Variants in GSPT1 observed in about 807,000 individuals in gnomAD.
The protein encoded by GSPT1 is eukaryotic peptide chain release factor GTP-binding subunit ERF3A.
In GSPT1, 20 loss-of-function variants were observed where a neutral mutation model predicts 72.5. The observed-to-expected ratio is 0.28, with a 90% confidence interval of 0.19 to 0.40. GSPT1 has a LOEUF of 0.40. Ranked by LOEUF, GSPT1 falls within the 10% of genes least tolerant of loss-of-function variation. The pLI, the probability that GSPT1 is intolerant of heterozygous loss-of-function variation, is 1.00. For synonymous variants in GSPT1, 334 were observed against 293.5 expected (o/e 1.14, Z -1.41); for missense variants, 580 against 811.9 (o/e 0.71, Z 3.47).
rs1234456065 is a variant in GSPT1, at chr16:11,910,276, C to T, written c.352+5093G>A. Among the ~76,000 whole-genome samples the T allele has an allele frequency of 1.2e-4, 18 of 152,216 alleles. No individual in the cohort carries two copies. The East Asian group carries it at 2.9e-3, about 24-fold the overall frequency. On this transcript the variant is annotated intron_variant, in intron 1 of 14. Transcript: ENST00000434724. ...AGAGTGACAAGACTGAGAGGTTTTA[C>T]GTAAGGGATTGCTGTTCTCGGCTTT... is the stretch of plus-strand genomic sequence containing the variant.
At chr16:11,892,740 A>T (rs1424923754) in intron 5 of GSPT1, among the ~76,000 whole-genome samples, 1 of 135,182 alleles carries the variant, frequency 7.4e-6, no homozygotes, top group Non-Finnish European at 1.6e-5. Flanking sequence ...GAGGCAGGAG[A>T]ATCATTTGAA....
rs1284799488 is a variant in GSPT1 at position 11,870,418 on chromosome 16, G to A, written c.*2701C>T. The A allele has an allele frequency of 6.6e-6, 1 of 152,136 alleles. No homozygotes were observed. Among genetic ancestry groups the A allele is most frequent in the Non-Finnish European group, 1.5e-5 (1 of 68,026 alleles). The allele number at this position is 152,136 out of a possible 1,614,324, so 9.4% of individuals were successfully genotyped here. ...ATAAAGAACATCATTAATGTGAAAA[G>A]ATGCAAGAAAAAAATCATTCTAGTA... On this transcript the variant is annotated 3_prime_UTR_variant, in exon 15 of 15. Transcript: ENST00000434724.
chr16:11,890,844 G>C (rs114705866), intron 6 of GSPT1: 22 of 351,380 alleles, frequency 6.3e-5, no homozygotes, highest in African/African-American at 4.7e-4. Context: ...TTTTCAACAA[G>C]TCTATCACCA....
chr16:11,892,920 T>G (rs968785847), intron 5 of GSPT1, among the ~76,000 whole-genome samples: 2 of 147,938 alleles, frequency 1.4e-5, no homozygotes, highest in Non-Finnish European at 3.0e-5. Flanking sequence ...CTTAACCAAG[T>G]AATCATGACT....
chr16:11,876,026 T>G (rs934134787), intron 13 of GSPT1, 60 bp downstream of exon 13: 1 of 1,458,342 alleles, frequency 6.9e-7, no homozygotes, highest in South Asian at 1.2e-5. Context: ...TGTTGCTGAT[T>G]AGAAATTATG....
At chr16:11,896,833 T>C (rs1484001191) in intron 3 of GSPT1, 48 bp from the exon 4 acceptor site, 1 of 1,222,134 alleles carries the variant, frequency 8.2e-7, no homozygotes, top group South Asian at 1.3e-5. Context: ...ACTTACAATC[T>C]ATACTTTAAA....
intron 10 of GSPT1, among the ~76,000 whole-genome samples, chr16:11,883,583 C>T (rs548858853): frequency 3.4e-5 from 5 of 147,608 alleles, no homozygotes; most frequent in African/African-American, 7.5e-5. Context: ...CTGAACCACT[C>T]GACTCCAGCT....
At chr16:11,873,299 G>A in intron 14 of GSPT1, 128 bp from the exon 15 acceptor site, 1 of 555,118 alleles carries the variant, frequency 1.8e-6, no homozygotes, top group Non-Finnish European at 3.2e-6. Context: ...TAGCTTTACT[G>A]CCAAACCCAT....
chr16:11,891,143 A>C lies in GSPT1; in HGVS notation c.699-4T>G. On this transcript the variant is annotated splice_polypyrimidine_tract_variant and splice_region_variant and intron_variant, in intron 5 of 14. Coordinates refer to ENST00000434724, the MANE Select transcript of GSPT1 (RefSeq NM_002094.4). ...GTCAACCATTCCAGTCAAATACCTG[A>C]AAACATTTAAAGAAAAAAAAAAGTA... 1.4e-6 allele frequency: 2 copies of C among 1,403,896 alleles called. No homozygotes were observed. The allele number at this position is 1,403,896 out of a possible 1,614,324, so 87.0% of individuals were successfully genotyped here. A position where few individuals can be genotyped will look rare whatever the true frequency, so the allele number is the denominator to read the frequency against.
chr16:11,907,812 G>T (rs149167917), intron 1 of GSPT1, among the ~76,000 whole-genome samples: 354 of 152,320 alleles, frequency 2.3e-3, no homozygotes, highest in Non-Finnish European at 4.0e-3. Context: ...AACATTCTAA[G>T]AACCTCTTTA....
chr16:11,897,065 G>A (rs2054349404), intron 3 of GSPT1, among the ~76,000 whole-genome samples: 1 of 152,110 alleles, frequency 6.6e-6, no homozygotes, highest in African/African-American at 2.4e-5. Context: ...ATGCAAACAA[G>A]AGTTCTAACA....
In GSPT1 at chr16:11,877,318, T is replaced by A. The variant is rs2054061091; in HGVS notation, c.1602+89A>T. Reference sequence around the variant, plus strand: ...CTACACTAAGATGGGTTAACTGGCATGTCACAAATAATCAGGACAAAAGGC... The same window carrying A: ...CTACACTAAGATGGGTTAACTGGCAAGTCACAAATAATCAGGACAAAAGGC... On this transcript the variant is annotated intron_variant, in intron 12 of 14. Coordinates refer to ENST00000434724, the MANE Select transcript of GSPT1 (RefSeq NM_002094.4). This position sits in a 1 kb window ranked among gnomAD's most constrained non-coding sequence, Gnocchi z 4.0. 1.2e-6 allele frequency: 1 copy of A among 860,984 alleles called. No homozygotes were observed. Among genetic ancestry groups the A allele is most frequent in the African/African-American group, 1.7e-5 (1 of 58,184 alleles). 53.3% of individuals were successfully genotyped at this position (860,984 alleles called of 1,614,324 possible).
intron 1 of GSPT1, among the ~76,000 whole-genome samples, chr16:11,902,839 A>G (rs1486313303): frequency 2.0e-5 from 3 of 151,832 alleles, no homozygotes; most frequent in African/African-American, 7.3e-5. Context: ...TGCCTGCCTC[A>G]GCCTCCCAAA....
chr16:11,884,826 G>C (rs886341764), intron 10 of GSPT1, among the ~76,000 whole-genome samples: 16 of 151,480 alleles, frequency 1.1e-4, no homozygotes, highest in African/African-American at 3.6e-4. Flanking sequence ...CAGCACCTTG[G>C]GGGAGGCCGA....
In GSPT1 at chr16:11,886,951, C is replaced by T. The variant is rs371067371; in HGVS notation, c.958-20G>A. The stretch of plus-strand genomic sequence containing the variant: ...GATTACCTAATTCCAAGAAAGGAAA[C>T]AGTTTACTCCTTCGCCTTCAGGCAT... On this transcript the variant is annotated intron_variant, in intron 7 of 14. Transcript: ENST00000434724. 1 of 1,608,276 alleles carries T rather than the reference C, an allele frequency of 6.2e-7. No homozygotes were observed. The highest frequency in any genetic ancestry group is 8.5e-7 in the Non-Finnish European group (1 of 1,175,566).
intron 5 of GSPT1, among the ~76,000 whole-genome samples, chr16:11,892,523 C>CAAAAAAAAAAAAAAAAAAAA (rs1452581943): frequency 8.6e-6 from 1 of 116,066 alleles, no homozygotes; most frequent in African/African-American, 3.3e-5. Context: ...ACAAAAAAAA[C>CAAAAAAAAAAAAAAAAAAAA]AAAAAAAACA....
chr16:11,902,891 A>G (rs2054432964), intron 1 of GSPT1, among the ~76,000 whole-genome samples: 1 of 151,712 alleles, frequency 6.6e-6, no homozygotes. Flanking sequence ...CTGGCCTTAA[A>G]TTTTTTATAG....
chr16:11,899,378 T>A (rs1362052588), intron 1 of GSPT1, among the ~76,000 whole-genome samples: 1 of 152,106 alleles, frequency 6.6e-6, no homozygotes, highest in Admixed American at 6.6e-5. Context: ...GGAAGATCTT[T>A]TTCTTGCAGC....
chr16:11,887,450 G>A (rs561042306), intron 7 of GSPT1, 120 bp downstream of exon 7: 41 of 756,696 alleles, frequency 5.4e-5, no homozygotes, highest in Middle Eastern at 3.9e-4. Context: ...AACTGTGACC[G>A]TGTACATCAT....
Sources: gnomAD v4.1 joint callset for allele counts (sites outside exome capture counted in the v4.1 genomes callset) on GRCh38, gnomAD v4.1.1 for gene constraint, Gnocchi (gnomAD v3.1) non-coding constraint, MANE v1.5 for transcripts, NCBI Gene and HGNC (gene_info 2026-07-23, HGNC 2026-07-21) for gene names.